The following LPP variants were observed in gnomAD, a reference collection of about 807,000 sequenced individuals.
The protein encoded by LPP is LIM domain containing preferred translocation partner in lipoma, also known as lipoma-preferred partner.
LPP carries 38 observed loss-of-function variants against 60.4 expected under a neutral mutation model. The ratio of observed to expected loss-of-function variants is 0.63; its 90% confidence interval spans 0.49 to 0.83. The LOEUF (loss-of-function observed/expected upper bound fraction) is 0.83, where lower values mean the gene tolerates loss of function less well. Among genes scored for constraint, LPP ranks in the 40% least tolerant of loss-of-function variants. The pLI is 0.00. For synonymous variants in LPP, 328 were observed against 290.8 expected (o/e 1.13, Z -1.30); for missense variants, 902 against 783.6 (o/e 1.15, Z -1.80).
intron 2 of LPP, among the ~76,000 whole-genome samples, chr3:188,241,326 G>C (rs1560146591): frequency 6.6e-6 from 1 of 152,332 alleles, no homozygotes. Flanking sequence ...TGTCCGCTGT[G>C]TGCTGGACAG....
chr3:188,756,148 G>A (rs552905191), intron 8 of LPP, among the ~76,000 whole-genome samples: 1 of 152,272 alleles, frequency 6.6e-6, no homozygotes, highest in South Asian at 2.1e-4. Flanking sequence ...CTGACACATT[G>A]CTGAGGTTGC....
At chr3:188,752,863 G>A (rs1044801040) in intron 8 of LPP, among the ~76,000 whole-genome samples, 1 of 152,146 alleles carries the variant, frequency 6.6e-6, no homozygotes, top group Admixed American at 6.5e-5. Context: ...GAGTTGAAGG[G>A]TCAACACCCA....
chr3:188,201,027 A>G (rs1366247363), intron 1 of LPP, among the ~76,000 whole-genome samples: 1 of 152,168 alleles, frequency 6.6e-6, no homozygotes, highest in African/African-American at 2.4e-5. Flanking sequence ...CTTATTTTTG[A>G]CGACAGCAGT....
At chr3:188,625,783 G>A (rs1846724640) in intron 7 of LPP, among the ~76,000 whole-genome samples, 1 of 152,126 alleles carries the variant, frequency 6.6e-6, no homozygotes, top group South Asian at 2.1e-4. Context: ...CATCCAAGAA[G>A]TGTCTGCAGA....
At chr3:188,602,176 T>TATAA (rs1491164275) in intron 6 of LPP, among the ~76,000 whole-genome samples, 1 of 99,480 alleles carries the variant, frequency 1.0e-5, no homozygotes, top group African/African-American at 3.3e-5. Flanking sequence ...TATATATATA[T>TATAA]TATATATATA....
intron 2 of LPP, among the ~76,000 whole-genome samples, chr3:188,306,753 T>A (rs1751667531): frequency 6.6e-6 from 1 of 152,218 alleles, no homozygotes; most frequent in Non-Finnish European, 1.5e-5. Flanking sequence ...AGCTAATTAT[T>A]GCCACGTGGA....
chr3:188,226,045 G>C (rs1283951744), intron 2 of LPP, among the ~76,000 whole-genome samples: 1 of 152,130 alleles, frequency 6.6e-6, no homozygotes, highest in African/African-American at 2.4e-5. Context: ...GTCTTGCTCT[G>C]TTGCCCATTC....
intron 5 of LPP, among the ~76,000 whole-genome samples, chr3:188,488,900 G>A (rs1455176973): frequency 6.6e-6 from 1 of 152,144 alleles, no homozygotes; most frequent in Non-Finnish European, 1.5e-5. Context: ...GCCTCCCAAA[G>A]TGCTGGGATT....
intron 6 of LPP, 69 bp downstream of exon 6, chr3:188,524,856 G>A: frequency 6.7e-7 from 1 of 1,493,670 alleles, no homozygotes; most frequent in South Asian, 1.3e-5. Context: ...GAAAGAACAT[G>A]CTGCACCTGA....
intron 2 of LPP, among the ~76,000 whole-genome samples, chr3:188,231,721 C>T (rs1720060583): frequency 2.0e-5 from 3 of 152,076 alleles, no homozygotes; most frequent in Admixed American, 2.0e-4. Flanking sequence ...ACAGTCTCTG[C>T]TGCATAATGA....
chr3:188,517,985 C>T (rs955778309), intron 5 of LPP, among the ~76,000 whole-genome samples: 1 of 152,108 alleles, frequency 6.6e-6, no homozygotes, highest in African/African-American at 2.4e-5. Context: ...CTCTCTTCCG[C>T]TCTCTCTCAC....
At chr3:188,396,426 T>A (rs1780966138) in intron 3 of LPP, among the ~76,000 whole-genome samples, 1 of 152,194 alleles carries the variant, frequency 6.6e-6, no homozygotes, top group Non-Finnish European at 1.5e-5. Flanking sequence ...CACTTGTAAA[T>A]GGATATCTAA....
chr3:188,294,481 C>T (rs1373736692), intron 2 of LPP, among the ~76,000 whole-genome samples: 1 of 152,176 alleles, frequency 6.6e-6, no homozygotes, highest in East Asian at 1.9e-4. Context: ...GTCATGCATG[C>T]TTAACAATGG....
At chr3:188,710,548 G>C (rs1393851238) in intron 8 of LPP, 1 of 152,096 alleles carries the variant, frequency 6.6e-6, no homozygotes, top group African/African-American at 2.4e-5. Context: ...ACAAAACATA[G>C]AAAATCCACG....
chr3:188,835,764 A>G (rs1758301816), intron 9 of LPP, among the ~76,000 whole-genome samples: 1 of 152,240 alleles, frequency 6.6e-6, no homozygotes, highest in African/African-American at 2.4e-5. Flanking sequence ...CAATGGAATT[A>G]TGAATGGGCA....
intron 3 of LPP, among the ~76,000 whole-genome samples, chr3:188,379,175 T>G (rs942133834): frequency 6.6e-6 from 1 of 152,130 alleles, no homozygotes; most frequent in African/African-American, 2.4e-5. Flanking sequence ...CAAGTTTGGT[T>G]TTGTCTGAAA....
rs11448997 is a variant in LPP at position 188,878,759 on chromosome 3, T to TAAAAAAAAAAAAAAAAAAAA, written c.*4296_*4297insAAAAAAAAAAAAAAAAAAAA. 4.5e-5 allele frequency: 7 copies of TAAAAAAAAAAAAAAAAAAAA among 153,860 alleles called. No homozygotes were observed. Among genetic ancestry groups the TAAAAAAAAAAAAAAAAAAAA allele is most frequent in the Admixed American group, 7.6e-5 (1 of 13,092 alleles). The allele number at this position is 153,860 out of a possible 1,614,324, so 9.5% of individuals were successfully genotyped here. A position where few individuals can be genotyped will look rare whatever the true frequency, so the allele number is the denominator to read the frequency against. The stretch of plus-strand genomic sequence containing the variant: ...ATATACTCACCAAAAAGTAAAAAAG[T>TAAAAAAAAAAAAAAAAAAAA]AAAAAAAAAAAAAAAAGAAAGAAAG... On this transcript the variant is annotated 3_prime_UTR_variant, in exon 12 of 12. Transcript: ENST00000617246.
chr3:188,469,468 A>T (rs546957954), intron 4 of LPP, among the ~76,000 whole-genome samples: 1 of 152,250 alleles, frequency 6.6e-6, no homozygotes, highest in Non-Finnish European at 1.5e-5. Context: ...GTTCGAGAAC[A>T]GTTTGTCCAT....
chr3:188,636,666 G>A (rs957823804), intron 7 of LPP, among the ~76,000 whole-genome samples: 3 of 152,124 alleles, frequency 2.0e-5, no homozygotes, highest in Admixed American at 1.3e-4. Flanking sequence ...CTGTCTGACA[G>A]CTTTGAAGAG....
Sources: allele counts gnomAD v4.1 joint callset (sites outside exome capture counted in the v4.1 genomes callset), GRCh38; gene constraint gnomAD v4.1.1; transcripts MANE v1.5; gene names NCBI Gene and HGNC (gene_info 2026-07-23, HGNC 2026-07-21).